Variants in CAMTA1 observed in about 807,000 individuals in gnomAD.
The protein encoded by CAMTA1 is calmodulin-binding transcription activator 1.
A neutral mutation model predicts 170.9 loss-of-function variants in CAMTA1; 27 were observed. The ratio of observed to expected loss-of-function variants is 0.16; its 90% CI spans 0.12 to 0.22. CAMTA1 has a LOEUF of 0.22. Among genes scored for constraint, CAMTA1 ranks in the 10% least tolerant of loss-of-function variants. CAMTA1 has a pLI of 1.00. For synonymous variants in CAMTA1, 833 were observed against 891.5 expected (o/e 0.93, Z 1.17); for missense variants, 1,619 against 2,217.2 (o/e 0.73, Z 5.42).
chr1:7,333,416 T>G lies in CAMTA1; in HGVS notation c.438+83790T>G, dbSNP rs2083156751. Among the ~76,000 whole-genome samples, 1 of 152,140 alleles carries G rather than the reference T, an allele frequency of 6.6e-6. No homozygotes were observed. The highest frequency in any genetic ancestry group is 1.5e-5 in the Non-Finnish European group (1 of 68,026). On this transcript the variant is annotated intron_variant, in intron 5 of 22. Transcript: ENST00000303635. The surrounding 1 kb of genome is among the most constrained non-coding windows in gnomAD (Gnocchi z 4.4). ...CGCATAGGCACGCCTTCCTGCAAGGTCACAGGTGGAACAGGTGGAGAGAAC... is the reference window on the plus strand; with the variant it reads ...CGCATAGGCACGCCTTCCTGCAAGGGCACAGGTGGAACAGGTGGAGAGAAC...
intron 5 of CAMTA1, among the ~76,000 whole-genome samples, chr1:7,378,137 G>A (rs2086988813): frequency 6.6e-6 from 1 of 152,150 alleles, no homozygotes; most frequent in South Asian, 2.1e-4. Flanking sequence ...CTGGGAGATG[G>A]TGTTAGAGGA....
intron 6 of CAMTA1, among the ~76,000 whole-genome samples, chr1:7,493,370 TGC>T (rs565583385): frequency 0.031 from 2,334 of 75,566 alleles, 115 homozygotes; most frequent in African/African-American, 0.14. Flanking sequence ...CAAACACACG[TGC>T]GCACACACAA....
Position 7,633,763 on chromosome 1 carries a change from T to C in CAMTA1, c.511-6637T>C, listed in dbSNP as rs377157785. ...GAGTCCCAGCCATCCGGAGCTCACA[T>C]TGTGGCCAGGAAAACAGGCCAAACC... On this transcript the variant is annotated intron_variant, in intron 6 of 22. Transcript: ENST00000303635. This position sits in a 1 kb window ranked among gnomAD's most constrained non-coding sequence, Gnocchi z 4.1. 5.3e-5 allele frequency among the ~76,000 whole-genome samples: 8 copies of C among 152,360 alleles called. No homozygotes were observed. Among genetic ancestry groups the C allele is most frequent in the African/African-American group, 9.6e-5 (4 of 41,586 alleles).
intron 5 of CAMTA1, among the ~76,000 whole-genome samples, chr1:7,279,412 G>T (rs1368590823): frequency 6.6e-6 from 1 of 152,090 alleles, no homozygotes; most frequent in Non-Finnish European, 1.5e-5. Context: ...TGGGCCTCAG[G>T]CTTAAGTAAG....
chr1:7,089,246 T>G, intron 3 of CAMTA1, among the ~76,000 whole-genome samples: 1 of 152,180 alleles, frequency 6.6e-6, no homozygotes, highest in Admixed American at 6.6e-5. Flanking sequence ...GAAACTGGTC[T>G]AGACAGATTA....
intron 3 of CAMTA1, among the ~76,000 whole-genome samples, chr1:7,073,108 C>A (rs913111088): frequency 1.3e-5 from 2 of 152,028 alleles, no homozygotes; most frequent in African/African-American, 4.8e-5. Flanking sequence ...TGGATTTTGG[C>A]CATATTTTGA....
At chr1:7,221,559 A>G (rs1402976141) in intron 4 of CAMTA1, among the ~76,000 whole-genome samples, 3 of 151,942 alleles carry the variant, frequency 2.0e-5, no homozygotes, top group South Asian at 2.1e-4. Context: ...TCTTCTTTAT[A>G]TGGTACCAGG....
intron 20 of CAMTA1, 102 bp from the exon 21 acceptor site, chr1:7,752,357 A>T: frequency 2.1e-6 from 2 of 966,962 alleles, no homozygotes; most frequent in Non-Finnish European, 3.3e-6. Context: ...TGGCTTTGCT[A>T]CACGAACTGC....
chr1:7,473,192 T>C (rs921682304), intron 6 of CAMTA1, among the ~76,000 whole-genome samples: 4 of 152,112 alleles, frequency 2.6e-5, no homozygotes, highest in African/African-American at 9.7e-5. Context: ...AGGGCAAGGC[T>C]GCAGGGAGAG....
Position 7,173,716 on chromosome 1 carries a change from T to C in CAMTA1, c.303-75775T>C, listed in dbSNP as rs1293171041. ...AGCTTAATTTTTTTTTTTAATTATT[T>C]CTTTCTAGCCTTCTTTACATGGTCC... On this transcript the variant is annotated intron_variant, in intron 4 of 22. Coordinates refer to ENST00000303635, the MANE Select transcript of CAMTA1 (RefSeq NM_015215.4). The surrounding 1 kb of genome is among the most constrained non-coding windows in gnomAD (Gnocchi z 5.4). Among the ~76,000 whole-genome samples, 1 of 152,004 alleles carries C rather than the reference T, an allele frequency of 6.6e-6. No homozygotes were observed. The highest frequency in any genetic ancestry group is 6.6e-5 in the Admixed American group (1 of 15,264).
rs1032310173 is a variant in CAMTA1 at position 7,633,730 on chromosome 1, C to T, written c.511-6670C>T. On this transcript the variant is annotated intron_variant, in intron 6 of 22. Coordinates refer to ENST00000303635, the MANE Select transcript of CAMTA1 (RefSeq NM_015215.4). This position sits in a 1 kb window ranked among gnomAD's most constrained non-coding sequence, Gnocchi z 4.1. ...TGGAGCCCCTGCCATGTGGCTGCCC[C>T]GCAGACAGAGTCCCAGCCATCCGGA... is the stretch of plus-strand genomic sequence containing the variant. 5.3e-5 allele frequency among the ~76,000 whole-genome samples: 8 copies of T among 152,334 alleles called. No homozygotes were observed. Among genetic ancestry groups the T allele is most frequent in the South Asian group, 4.1e-4 (2 of 4,822 alleles).
At chr1:7,723,400 A>G (rs2096662120) in intron 11 of CAMTA1, among the ~76,000 whole-genome samples, 1 of 152,236 alleles carries the variant, frequency 6.6e-6, no homozygotes, top group African/African-American at 2.4e-5. Flanking sequence ...GAATAAATGT[A>G]CAGGAGTCCA....
intron 20 of CAMTA1, 81 bp from the exon 21 acceptor site, chr1:7,752,378 G>A (rs2096903449): frequency 8.4e-7 from 1 of 1,191,330 alleles, no homozygotes. Context: ...TTAATTCAGA[G>A]TCCTCTGTCA....
In CAMTA1 at chr1:7,411,070, A is replaced by G. The variant is rs2090697892; in HGVS notation, c.439-56760A>G. ...GTGTCTTTTTTGGAGAAGCAAATAG[A>G]CTCCATAATATATTCGATTCTCACC... On this transcript the variant is annotated intron_variant, in intron 5 of 22. Coordinates refer to ENST00000303635, the MANE Select transcript of CAMTA1 (RefSeq NM_015215.4). 3.3e-5 allele frequency among the ~76,000 whole-genome samples: 5 copies of G among 151,590 alleles called. 1 individual carries two copies. The South Asian group carries it at 1.0e-3, about 32-fold the overall frequency.
chr1:7,538,893 T>C (rs1245339798), intron 6 of CAMTA1, among the ~76,000 whole-genome samples: 1 of 152,158 alleles, frequency 6.6e-6, no homozygotes, highest in Non-Finnish European at 1.5e-5. Context: ...TTTCCTGGCT[T>C]CCGGTCATTT....
rs552624184 is a variant in CAMTA1 at position 7,036,485 on chromosome 1, A to C, written c.235-54819A>C. 3.3e-5 allele frequency among the ~76,000 whole-genome samples: 5 copies of C among 152,288 alleles called. No individual in the cohort carries two copies. In the East Asian group the frequency reaches 7.7e-4, roughly 23 times the overall value. On this transcript the variant is annotated intron_variant, in intron 3 of 22. Coordinates refer to ENST00000303635, the MANE Select transcript of CAMTA1 (RefSeq NM_015215.4). ...TAGTTTCATATTCAGCTTTATTATC[A>C]CCTATGAAGTAGGACTTACGATCCT...
At chr1:7,413,739 A>C (rs1346461118) in intron 5 of CAMTA1, among the ~76,000 whole-genome samples, 1 of 152,128 alleles carries the variant, frequency 6.6e-6, no homozygotes, top group African/African-American at 2.4e-5. Flanking sequence ...CTAATTGAAT[A>C]CCCTTTATTT....
At chr1:7,231,797 C>T (rs1662886891) in intron 4 of CAMTA1, among the ~76,000 whole-genome samples, 1 of 152,202 alleles carries the variant, frequency 6.6e-6, no homozygotes, top group South Asian at 2.1e-4. Context: ...CTGACATGTG[C>T]TGTCCTCTTC....
chr1:7,070,051 C>T (rs1407045890), intron 3 of CAMTA1, among the ~76,000 whole-genome samples: 2 of 152,224 alleles, frequency 1.3e-5, no homozygotes, highest in Non-Finnish European at 2.9e-5. Context: ...CGGTGAGCCG[C>T]AGCTCCCTCG....
Sources: allele counts gnomAD v4.1 joint callset (sites outside exome capture counted in the v4.1 genomes callset), GRCh38; gene constraint gnomAD v4.1.1; non-coding constraint Gnocchi (gnomAD v3.1); transcripts MANE v1.5; gene names NCBI Gene and HGNC (gene_info 2026-07-23, HGNC 2026-07-21).